SPIRE1: variants seen among roughly 807,000 people sequenced by gnomAD.
The protein encoded by SPIRE1 is protein spire homolog 1.
In SPIRE1, 40 loss-of-function variants were observed where a neutral mutation model predicts 94.1. The observed-to-expected ratio is 0.43, with a 90% confidence interval of 0.33 to 0.55. SPIRE1 has a LOEUF of 0.55. SPIRE1 is among the 20% of genes least tolerant of loss of function. SPIRE1 has a pLI of 0.06. For synonymous variants in SPIRE1, 376 were observed against 371.7 expected, an observed-to-expected ratio of 1.01 and a Z score of -0.13; for missense variants, 838 against 975.2, an observed-to-expected ratio of 0.86 and a Z score of 1.87.
In SPIRE1 at chr18:12,565,535, T is replaced by G. The variant is rs369785897; in HGVS notation, c.373-18631A>C. ...GATTACAGGTGCACACCACCATGCC[T>G]GGCTAATTTTTGTATTTTAGTAGAG... is the stretch of plus-strand genomic sequence containing the variant. On this transcript the variant is annotated intron_variant, in intron 2 of 16. Transcript: ENST00000409402. Among the ~76,000 whole-genome samples, 6 of 151,980 alleles carry G rather than the reference T, an allele frequency of 3.9e-5. No individual in the cohort carries two copies. The East Asian group carries it at 1.2e-3, about 30-fold the overall frequency.
upstream of SPIRE1, among the ~76,000 whole-genome samples, chr18:12,659,560 C>T (rs147956512): frequency 9.4e-3 from 1,422 of 152,066 alleles, 27 homozygotes; most frequent in African/African-American, 0.032. Flanking sequence ...ATCCCAGCTA[C>T]CCGGGAGGCT....
intron 1 of SPIRE1, chr18:12,656,771 G>T: frequency 3.9e-6 from 3 of 763,756 alleles, no homozygotes; most frequent in Non-Finnish European, 4.8e-6. Context: ...TCATAATCCT[G>T]AAAATTTTAC....
intron 4 of SPIRE1, among the ~76,000 whole-genome samples, chr18:12,527,857 G>A (rs1294235708): frequency 6.6e-6 from 1 of 152,126 alleles, no homozygotes; most frequent in Non-Finnish European, 1.5e-5. Context: ...ACGAGGTCAG[G>A]AGATGGAGAC....
At chr18:12,490,299 T>G (rs1341563378) in intron 8 of SPIRE1, among the ~76,000 whole-genome samples, 1 of 149,064 alleles carries the variant, frequency 6.7e-6, no homozygotes, top group African/African-American at 2.5e-5. Flanking sequence ...AACTGAAGAA[T>G]ATGGCTTGCT....
At chr18:12,498,706 C>T (rs1338350581) in intron 6 of SPIRE1, among the ~76,000 whole-genome samples, 2 of 152,080 alleles carry the variant, frequency 1.3e-5, no homozygotes, top group Admixed American at 6.5e-5. Flanking sequence ...AGCTCACTGC[C>T]GTCTTGACCT....
At chr18:12,455,373 C>G (rs1598884333) in intron 12 of SPIRE1, among the ~76,000 whole-genome samples, 1 of 152,158 alleles carries the variant, frequency 6.6e-6, no homozygotes, top group Non-Finnish European at 1.5e-5. Flanking sequence ...ACGAGTGGAA[C>G]TGGAACATGA....
At chr18:12,660,320 AT>A (rs11433721), upstream of SPIRE1, among the ~76,000 whole-genome samples, 1,609 of 141,972 alleles carry the variant, frequency 0.011, 12 homozygotes, top group African/African-American at 0.021. Context: ...AAAAAGATGC[AT>A]TTTTTTTTTT....
intron 12 of SPIRE1, among the ~76,000 whole-genome samples, chr18:12,459,395 A>G (rs1030565476): frequency 3.3e-5 from 5 of 152,162 alleles, no homozygotes; most frequent in Admixed American, 3.3e-4. Flanking sequence ...GAGTGAGCAA[A>G]TACTCTTCTG....
chr18:12,463,193 C>G (rs545493249), intron 12 of SPIRE1, among the ~76,000 whole-genome samples, 158 bp downstream of exon 12: 143 of 152,358 alleles, frequency 9.4e-4, no homozygotes, highest in African/African-American at 3.3e-3. Context: ...CGAGCCACCA[C>G]GCCTGGCTGT....
Position 12,535,674 on chromosome 18 carries a change from G to A in SPIRE1, c.604-73C>T, listed in dbSNP as rs1340931775. ...TTTTTTTGTACTTAAAAACAGACAC[G>A]AGCAGAGTGCAGTGGTTCACGCCTG... On this transcript the variant is annotated intron_variant, in intron 3 of 16. Transcript: ENST00000409402. 38 of 1,426,116 alleles carry A rather than the reference G, an allele frequency of 2.7e-5. 1 individual carries two copies. The highest frequency in any genetic ancestry group is 3.6e-5 in the South Asian group (3 of 83,402). 88.3% of individuals were successfully genotyped at this position (1,426,116 alleles called of 1,614,324 possible).
At chr18:12,648,350 T>C (rs1464742083) in intron 1 of SPIRE1, among the ~76,000 whole-genome samples, 1 of 152,202 alleles carries the variant, frequency 6.6e-6, no homozygotes, top group Non-Finnish European at 1.5e-5. Flanking sequence ...ATGGTTATCA[T>C]GTGCCCCAAC....
intron 1 of SPIRE1, among the ~76,000 whole-genome samples, chr18:12,649,455 C>G (rs1055365659): frequency 3.3e-5 from 5 of 152,124 alleles, no homozygotes; most frequent in African/African-American, 1.2e-4. Context: ...CATTTGGTAA[C>G]TCAATATTTC....
intron 1 of SPIRE1, among the ~76,000 whole-genome samples, chr18:12,639,771 G>C (rs2038033900): frequency 1.3e-5 from 2 of 151,462 alleles, no homozygotes; most frequent in African/African-American, 4.9e-5. Context: ...AAAAAAGAAA[G>C]GCTGAGGTGG....
Position 12,449,632 on chromosome 18 carries a change from C to T in SPIRE1, c.*6G>A, listed in dbSNP as rs772278298. The stretch of plus-strand genomic sequence containing the variant: ...GTAGCACAAAAGCAGCTGAAAGGCA[C>T]GAGGCTCAGATCTCACTGATCGTCC... On this transcript the variant is annotated 3_prime_UTR_variant, in exon 17 of 17. Transcript: ENST00000409402. The T allele has an allele frequency of 9.3e-6, 15 of 1,611,954 alleles. No homozygotes were observed. Among genetic ancestry groups the T allele is most frequent in the South Asian group, 2.2e-5 (2 of 90,944 alleles).
At chr18:12,607,119 A>G (rs1434695175) in intron 2 of SPIRE1, among the ~76,000 whole-genome samples, 3 of 152,094 alleles carry the variant, frequency 2.0e-5, no homozygotes, top group African/African-American at 7.2e-5. Flanking sequence ...CCTGGTTTCT[A>G]ATTTCTTGAG....
At chr18:12,505,166 T>C (rs2033787577) in intron 6 of SPIRE1, among the ~76,000 whole-genome samples, 1 of 151,868 alleles carries the variant, frequency 6.6e-6, no homozygotes, top group Non-Finnish European at 1.5e-5. Context: ...TTGGGAAAAA[T>C]AGATTGAAAG....
At chr18:12,625,519 A>G (rs578246472) in intron 2 of SPIRE1, among the ~76,000 whole-genome samples, 4 of 152,360 alleles carry the variant, frequency 2.6e-5, no homozygotes, top group Non-Finnish European at 5.9e-5. Context: ...GCCATCTGCT[A>G]AAAGAGTAGA....
chr18:12,616,640 T>C (rs544030538), intron 2 of SPIRE1, among the ~76,000 whole-genome samples: 2 of 152,352 alleles, frequency 1.3e-5, no homozygotes, highest in African/African-American at 4.8e-5. Flanking sequence ...TGTGCTTACT[T>C]ACAGGCAGTG....
chr18:12,471,909 C>T (rs1247335606), intron 10 of SPIRE1, among the ~76,000 whole-genome samples: 1 of 152,034 alleles, frequency 6.6e-6, no homozygotes, highest in Non-Finnish European at 1.5e-5. Flanking sequence ...CTCAGCCTCC[C>T]GAGTAGCTGG....
Sources: gnomAD v4.1 joint callset for allele counts (sites outside exome capture counted in the v4.1 genomes callset) on GRCh38, gnomAD v4.1.1 for gene constraint, MANE v1.5 for transcripts, NCBI Gene and HGNC (gene_info 2026-07-23, HGNC 2026-07-21) for gene names.